MYH11: variants seen among roughly 807,000 people sequenced by gnomAD.
The protein encoded by MYH11 is myosin heavy chain 11.
Under a neutral mutation model 246.6 loss-of-function variants are expected in MYH11, and 80 were observed. That is an observed-to-expected ratio of 0.32 (90% CI 0.27 to 0.39). The LOEUF is 0.39. MYH11 is among the 10% of genes least tolerant of loss of function. The probability of loss-of-function intolerance (pLI) is 1.00; values close to 1 mark genes in which losing one functional copy is unlikely to be tolerated. For missense variants in MYH11, 2,158 were observed against 2,546.8 expected, an observed-to-expected ratio of 0.85 and a Z score of 3.29; for synonymous variants, 1,071 against 1,015.5, an observed-to-expected ratio of 1.05 and a Z score of -1.04.
At position 15,717,298 on chromosome 16, in the gene MYH11, C is replaced by G. The variant is rs375743675; in HGVS notation, c.5346G>C (p.Lys1782Asn). The G allele has an allele frequency of 2.5e-6, 4 of 1,612,838 alleles. No individual in the cohort carries two copies. The African/African-American group carries it at 4.0e-5, about 16-fold the overall frequency. The change falls in exon 38 of 41, where the codon AAG becomes AAC. Residue 1782 changes from lysine to asparagine, a missense_variant. This residue lies in a region of MYH11 where 1,013 missense variants were observed against 993.5 expected (regional missense o/e 1.02). Transcript: ENST00000300036. ...CGAGCTGCTGCCGGGCACTCTCATT[C>G]TTCTGGGCCGTGCTGCGCTCTGTGG... ...ELATERSTAQ[K>N]NESARQQLER...
chr16:15,841,699 G>A (rs1015972274), intron 1 of MYH11, among the ~76,000 whole-genome samples: 5 of 152,192 alleles, frequency 3.3e-5, no homozygotes, highest in African/African-American at 7.2e-5. Context: ...CCGGCCCCCC[G>A]TTCCTGACTC....
At chr16:15,833,115 G>C (rs1376685736) in intron 2 of MYH11, among the ~76,000 whole-genome samples, 1 of 151,234 alleles carries the variant, frequency 6.6e-6, no homozygotes, top group Non-Finnish European at 1.5e-5. Context: ...TGGGCAATAC[G>C]GTGTGACCCC....
intron 2 of MYH11, among the ~76,000 whole-genome samples, chr16:15,834,916 T>G (rs990723704): frequency 2.7e-5 from 4 of 150,188 alleles, no homozygotes; most frequent in South Asian, 2.1e-4. Flanking sequence ...CAGAAGTTTT[T>G]TTTTTTTTTT....
chr16:15,835,148 A>G (rs1304287648), intron 2 of MYH11, among the ~76,000 whole-genome samples: 1 of 151,646 alleles, frequency 6.6e-6, no homozygotes, highest in Non-Finnish European at 1.5e-5. Flanking sequence ...TTAAAAAGCC[A>G]CTCTAACTCC....
intron 40 of MYH11, among the ~76,000 whole-genome samples, chr16:15,707,908 G>T (rs1346829163): frequency 6.8e-6 from 1 of 146,584 alleles, no homozygotes; most frequent in Admixed American, 7.1e-5. Flanking sequence ...GGAGGCAAAG[G>T]TTGCGGTGAG....
intron 40 of MYH11, among the ~76,000 whole-genome samples, chr16:15,709,275 A>C (rs2151174928): frequency 6.6e-6 from 1 of 151,870 alleles, no homozygotes; most frequent in Non-Finnish European, 1.5e-5. Flanking sequence ...TCAACGTTGC[A>C]GTGAATCACC....
In MYH11 at chr16:15,760,479, AGATGGATG is replaced by A. The variant is rs1347166175; in HGVS notation, c.1248+53_1248+60del. 2.4e-6 allele frequency: 3 copies of A among 1,245,590 alleles called. No individual in the cohort carries two copies. In the East Asian group the frequency reaches 7.0e-5, roughly 29 times the overall value. The allele number at this position is 1,245,590 out of a possible 1,614,324, so 77.2% of individuals were successfully genotyped here. ...TACATGAATGAGTGAACAGGTGGAT[AGATGGATG>A]AATGGATGGATGGGTGGGTGCATGG... On this transcript the variant is annotated intron_variant, in intron 11 of 40. Transcript: ENST00000300036.
chr16:15,767,271 AAGTCCCATG>A (rs1408570637), intron 9 of MYH11, among the ~76,000 whole-genome samples: 1 of 152,142 alleles, frequency 6.6e-6, no homozygotes, highest in East Asian at 1.9e-4. Flanking sequence ...GAGTCTCAAT[AAGTCCCATG>A]AGCCTCAGTT....
At chr16:15,753,680 C>T (rs1448333426) in intron 14 of MYH11, among the ~76,000 whole-genome samples, 172 bp from the exon 15 acceptor site, 1 of 152,108 alleles carries the variant, frequency 6.6e-6, no homozygotes, top group Non-Finnish European at 1.5e-5. Context: ...GACCAACAGC[C>T]CAGGGACCTG....
intron 5 of MYH11, among the ~76,000 whole-genome samples, chr16:15,784,184 C>T (rs541819782): frequency 9.6e-4 from 146 of 151,966 alleles, no homozygotes; most frequent in African/African-American, 3.4e-3. Flanking sequence ...GCACTGCACA[C>T]GCATGCACAG....
At chr16:15,751,861 C>T (rs1272092743) in intron 15 of MYH11, among the ~76,000 whole-genome samples, 1 of 152,036 alleles carries the variant, frequency 6.6e-6, no homozygotes, top group African/African-American at 2.4e-5. Context: ...TCCAATGGCA[C>T]AATCTCAGCT....
rs116720773 is a variant in MYH11, at chr16:15,807,759, C to T, written c.503-9072G>A. ...CTCCCTTCCTCCTCCCCAGACTCCC[C>T]ACCCAGCCTCGGATGTGTAAGGCCC... On this transcript the variant is annotated intron_variant, in intron 3 of 40. Coordinates refer to ENST00000300036, the MANE Select transcript of MYH11 (RefSeq NM_002474.3). 4.2e-3 allele frequency among the ~76,000 whole-genome samples: 637 copies of T among 152,294 alleles called. 2 individuals are homozygous for T. Among genetic ancestry groups the T allele is most frequent in the African/African-American group, 0.013 (558 of 41,558 alleles).
Position 15,703,441 on chromosome 16 carries a change from G to A in MYH11, c.*550C>T, listed in dbSNP as rs1016072799. On this transcript the variant is annotated 3_prime_UTR_variant, in exon 41 of 41. Coordinates refer to ENST00000300036, the MANE Select transcript of MYH11 (RefSeq NM_002474.3). Reference sequence around the variant, plus strand: ...CATGTAAACAGAATTGCCAGGGACCGGTTACCGTGGATATGTTTTTCTAAA... The same window carrying A: ...CATGTAAACAGAATTGCCAGGGACCAGTTACCGTGGATATGTTTTTCTAAA... The A allele has an allele frequency of 1.7e-5, 4 of 239,342 alleles. No homozygotes were observed. The highest frequency in any genetic ancestry group is 5.9e-5 in the East Asian group (1 of 16,844). 14.8% of individuals were successfully genotyped at this position (239,342 alleles called of 1,614,324 possible).
chr16:15,725,130 C>G (rs60654909), intron 28 of MYH11, 138 bp from the exon 29 acceptor site: 2 of 635,390 alleles, frequency 3.1e-6, no homozygotes, highest in Non-Finnish European at 5.4e-6. Context: ...GTATGGGACT[C>G]TGATAAAAAA....
In MYH11 at chr16:15,719,574, C is replaced by T. The variant is rs199717623; in HGVS notation, c.5082+11G>A. The T allele has an allele frequency of 1.8e-5, 29 of 1,613,824 alleles. No individual in the cohort carries two copies. Among genetic ancestry groups the T allele is most frequent in the Admixed American group, 1.7e-4 (10 of 59,998 alleles). On this transcript the variant is annotated intron_variant, in intron 35 of 40. Coordinates refer to ENST00000300036, the MANE Select transcript of MYH11 (RefSeq NM_002474.3). ...CGCATCTGAGGCTCTCCTAGCAAGG[C>T]GAGGCTTTACCTCTTGTAGCTGCAT...
intron 4 of MYH11, among the ~76,000 whole-genome samples, chr16:15,796,865 C>T (rs532332426): frequency 7.2e-5 from 11 of 152,258 alleles, no homozygotes; most frequent in South Asian, 2.1e-4. Context: ...GAAACCAAGT[C>T]GGCAGGTTGT....
chr16:15,764,569 A>T (rs2041940414), intron 9 of MYH11, among the ~76,000 whole-genome samples: 1 of 152,190 alleles, frequency 6.6e-6, no homozygotes, highest in Admixed American at 6.5e-5. Context: ...CTAAGTCCAT[A>T]TATAGACCGT....
chr16:15,780,945 A>C (rs960742049), intron 6 of MYH11, among the ~76,000 whole-genome samples: 1 of 152,230 alleles, frequency 6.6e-6, no homozygotes, highest in Non-Finnish European at 1.5e-5. Flanking sequence ...CAACATCATC[A>C]GTGCCTGAAC....
At position 15,723,799 on chromosome 16, in the gene MYH11, T is replaced by C. The variant is rs117977041; in HGVS notation, c.4365+362A>G. Among the ~76,000 whole-genome samples the C allele has an allele frequency of 6.8e-3, 1,035 of 152,334 alleles. 10 individuals are homozygous for C. Among genetic ancestry groups the C allele is most frequent in the Non-Finnish European group, 8.1e-3 (549 of 68,028 alleles). Reference sequence around the variant, plus strand: ...TTAGGGAAGAGTGGTATTAAAAGTATAGAAACTGAATTACTTGGAATACTA... The same window carrying C: ...TTAGGGAAGAGTGGTATTAAAAGTACAGAAACTGAATTACTTGGAATACTA... On this transcript the variant is annotated intron_variant, in intron 31 of 40. Coordinates refer to ENST00000300036, the MANE Select transcript of MYH11 (RefSeq NM_002474.3).
Sources: gnomAD v4.1 joint callset for allele counts (sites outside exome capture counted in the v4.1 genomes callset) on GRCh38, gnomAD v4.1.1 for gene constraint, gnomAD v4.1.1 regional missense constraint, MANE v1.5 for transcripts, NCBI Gene and HGNC (gene_info 2026-07-23, HGNC 2026-07-21) for gene names.